Variants in ETFA observed in about 807,000 individuals in gnomAD.
ETFA encodes electron transfer flavoprotein subunit alpha, also known as electron transfer flavoprotein subunit alpha, mitochondrial.
Under a neutral mutation model 46.2 loss-of-function variants are expected in ETFA, and 22 were observed. That is an observed-to-expected ratio of 0.48 (90% CI 0.34 to 0.68). The LOEUF (loss-of-function observed/expected upper bound fraction) is 0.68. Among genes scored for constraint, ETFA ranks in the 30% least tolerant of loss-of-function variants. The probability of loss-of-function intolerance (pLI) is 0.01; values close to 1 mark genes in which losing one functional copy is unlikely to be tolerated. For missense variants in ETFA, 345 were observed against 401.1 expected, an observed-to-expected ratio of 0.86 and a Z score of 1.19; for synonymous variants, 131 against 139.9, an observed-to-expected ratio of 0.94 and a Z score of 0.45.
chr15:76,304,501 T>C (rs2039916992), intron 1 of ETFA, among the ~76,000 whole-genome samples: 1 of 151,938 alleles, frequency 6.6e-6, no homozygotes. Flanking sequence ...CTATGAAAGA[T>C]AAAAATTAAA....
At chr15:76,264,067 G>A (rs2039446475) in intron 9 of ETFA, among the ~76,000 whole-genome samples, 1 of 152,108 alleles carries the variant, frequency 6.6e-6, no homozygotes, top group African/African-American at 2.4e-5. Flanking sequence ...TTGAAGCATG[G>A]CAAACCCAGC....
intron 1 of ETFA, among the ~76,000 whole-genome samples, chr15:76,310,851 C>A (rs1355630553): frequency 6.6e-6 from 1 of 150,790 alleles, no homozygotes; most frequent in Non-Finnish European, 1.5e-5. Flanking sequence ...TCCCACCCCA[C>A]CCCACCCCCG....
intron 9 of ETFA, among the ~76,000 whole-genome samples, chr15:76,273,553 CAAACA>C (rs144721416): frequency 0.013 from 1,938 of 149,976 alleles, 28 homozygotes; most frequent in Middle Eastern, 0.045. Flanking sequence ...AGACTCATCT[CAAACA>C]AAACAAAACA....
chr15:76,307,607 C>A (rs1278780755), intron 1 of ETFA, among the ~76,000 whole-genome samples: 1 of 152,060 alleles, frequency 6.6e-6, no homozygotes, highest in African/African-American at 2.4e-5. Flanking sequence ...GTGCCTCAGC[C>A]TCCCAAGTAG....
intron 9 of ETFA, among the ~76,000 whole-genome samples, chr15:76,267,536 G>A (rs1462541496): frequency 1.3e-5 from 2 of 151,286 alleles, no homozygotes; most frequent in African/African-American, 4.9e-5. Context: ...GCCCCCACTG[G>A]AGCAGCCATT....
intron 9 of ETFA, among the ~76,000 whole-genome samples, chr15:76,244,222 T>G (rs1280498709): frequency 1.8e-4 from 27 of 152,224 alleles, no homozygotes; most frequent in Non-Finnish European, 1.6e-4. Context: ...ATCTGAGTTG[T>G]GAAGTTCAGA....
At chr15:76,256,230 C>T (rs958276203) in intron 9 of ETFA, among the ~76,000 whole-genome samples, 2 of 145,876 alleles carry the variant, frequency 1.4e-5, no homozygotes, top group Non-Finnish European at 3.0e-5. Flanking sequence ...TGCACTCCAG[C>T]CTGGGCAATA....
chr15:76,309,239 G>T (rs1342321151), intron 1 of ETFA, among the ~76,000 whole-genome samples: 1 of 152,134 alleles, frequency 6.6e-6, no homozygotes, highest in Non-Finnish European at 1.5e-5. Flanking sequence ...CATGAGGTCA[G>T]GAGATCGAGA....
In ETFA at chr15:76,311,416, C is replaced by T. The variant is rs1280433225; in HGVS notation, c.-28G>A. On this transcript the variant is annotated 5_prime_UTR_variant, in exon 1 of 12. Transcript: ENST00000557943. Reference sequence around the variant, plus strand: ...TCTCCGCTTCCGCCGCAACCTCGGCCTTACAGCAGCCCCGTGCCCGGCCAA... The same window carrying T: ...TCTCCGCTTCCGCCGCAACCTCGGCTTTACAGCAGCCCCGTGCCCGGCCAA... 1.3e-6 allele frequency: 2 copies of T among 1,551,662 alleles called. No homozygotes were observed. The highest frequency in any genetic ancestry group is 2.7e-5 in the African/African-American group (2 of 73,374).
At chr15:76,299,242 C>T (rs1486601594) in intron 1 of ETFA, among the ~76,000 whole-genome samples, 1 of 152,184 alleles carries the variant, frequency 6.6e-6, no homozygotes, top group East Asian at 1.9e-4. Flanking sequence ...TTCGCACTCT[C>T]ACCCTCCACA....
chr15:76,254,592 G>A (rs1914816), intron 9 of ETFA, among the ~76,000 whole-genome samples: 33,830 of 152,038 alleles, frequency 0.22, 4,393 homozygotes, highest in African/African-American at 0.35. Context: ...ATTCTGCAAA[G>A]TCAAACCTAT....
intron 8 of ETFA, 110 bp from the exon 9 acceptor site, chr15:76,274,604 T>A: frequency 3.4e-6 from 3 of 875,312 alleles, no homozygotes; most frequent in South Asian, 2.8e-5. Context: ...TAAGTACTAG[T>A]ATATTTTATA....
rs117383230 is a variant in ETFA, at chr15:76,256,630, C to T, written c.816+17782G>A. 4.7e-4 allele frequency among the ~76,000 whole-genome samples: 72 copies of T among 152,200 alleles called. 2 individuals are homozygous for T. In the East Asian group the frequency reaches 0.013, roughly 27 times the overall value. On this transcript the variant is annotated intron_variant, in intron 9 of 11. Coordinates refer to ENST00000557943, the MANE Select transcript of ETFA (RefSeq NM_000126.4). ...AATCAAAATTCTAAAACACTTGTACCGATGACTATGAGCTTTGAAGATTCT... is the reference window on the plus strand; with the variant it reads ...AATCAAAATTCTAAAACACTTGTACTGATGACTATGAGCTTTGAAGATTCT...
At chr15:76,247,750 T>C (rs2039257689) in intron 9 of ETFA, among the ~76,000 whole-genome samples, 1 of 152,210 alleles carries the variant, frequency 6.6e-6, no homozygotes. Flanking sequence ...TCCACACTAT[T>C]CTGTCCAAAA....
intron 1 of ETFA, among the ~76,000 whole-genome samples, chr15:76,300,058 C>G (rs751021727): frequency 3.0e-4 from 46 of 152,144 alleles, no homozygotes; most frequent in Admixed American, 5.9e-4. Context: ...ACCAACAAAC[C>G]CTTTTCAGGC....
intron 9 of ETFA, chr15:76,261,158 C>T (rs62030245): frequency 1.3e-6 from 2 of 1,504,846 alleles, no homozygotes; most frequent in Non-Finnish European, 9.2e-7. Context: ...GGAGAGGGAG[C>T]AGGTCCCCCG....
intron 11 of ETFA, among the ~76,000 whole-genome samples, chr15:76,224,486 G>T (rs2038985725): frequency 6.6e-6 from 1 of 152,180 alleles, no homozygotes; most frequent in African/African-American, 2.4e-5. Flanking sequence ...CGGAGTAATC[G>T]GCTCAAGGGT....
At chr15:76,220,959 G>T (rs1236283218) in intron 11 of ETFA, among the ~76,000 whole-genome samples, 1 of 152,182 alleles carries the variant, frequency 6.6e-6, no homozygotes, top group Non-Finnish European at 1.5e-5. Context: ...AGGTGACCCA[G>T]CAATTCCATT....
At chr15:76,292,921 G>A (rs554089670) in intron 2 of ETFA, among the ~76,000 whole-genome samples, 9 of 152,232 alleles carry the variant, frequency 5.9e-5, no homozygotes, top group Admixed American at 2.0e-4. Context: ...GCAGATCACC[G>A]GAGTCAAGAG....
Sources: allele counts gnomAD v4.1 joint callset (sites outside exome capture counted in the v4.1 genomes callset), GRCh38; gene constraint gnomAD v4.1.1; transcripts MANE v1.5; gene names NCBI Gene and HGNC (gene_info 2026-07-23, HGNC 2026-07-21).